Variants in LCP1 observed in about 807,000 individuals in gnomAD.
LCP1 encodes lymphocyte cytosolic protein 1.
LCP1 carries 23 observed loss-of-function variants against 72.0 expected under a neutral mutation model. The ratio of observed to expected loss-of-function variants is 0.32; its 90% confidence interval spans 0.23 to 0.45. The LOEUF (loss-of-function observed/expected upper bound fraction) is 0.45. LCP1 is among the 20% of genes least tolerant of loss of function. LCP1 has a pLI of 1.00. For missense variants in LCP1, 571 were observed against 748.3 expected, an observed-to-expected ratio of 0.76 and a Z score of 2.76; for synonymous variants, 245 against 275.4, an observed-to-expected ratio of 0.89 and a Z score of 1.09.
chr13:46,146,806 A>G (rs893627959), intron 10 of LCP1, 102 bp downstream of exon 10: 8 of 1,143,550 alleles, frequency 7.0e-6, no homozygotes, highest in Non-Finnish European at 1.1e-5. Context: ...GCCTGTTTGC[A>G]CATGTAAATA....
intron 1 of LCP1, among the ~76,000 whole-genome samples, chr13:46,180,623 C>T (rs759574250): frequency 1.1e-4 from 16 of 152,202 alleles, no homozygotes; most frequent in Admixed American, 2.6e-4. Flanking sequence ...CCTGATGTTC[C>T]TGGGGGTGAG....
At chr13:46,150,689 G>A (rs2045758148) in intron 8 of LCP1, among the ~76,000 whole-genome samples, 1 of 151,986 alleles carries the variant, frequency 6.6e-6, no homozygotes, top group African/African-American at 2.4e-5. Context: ...GCTCACCTTT[G>A]TCCCTCTACT....
intron 1 of LCP1, among the ~76,000 whole-genome samples, chr13:46,174,652 T>A (rs1194623538): frequency 6.6e-6 from 1 of 152,050 alleles, no homozygotes. Context: ...AAGACCAGCC[T>A]GGCCAATGTG....
intron 5 of LCP1, among the ~76,000 whole-genome samples, 175 bp downstream of exon 5, chr13:46,156,263 T>C (rs1396714326): frequency 6.6e-6 from 1 of 152,252 alleles, no homozygotes; most frequent in Non-Finnish European, 1.5e-5. Flanking sequence ...TTTCTCATTA[T>C]AAATTGTTTT....
rs1248883986 is a variant in LCP1 at position 46,137,740 on chromosome 13, A to G, written c.1503-3490T>C. On this transcript the variant is annotated intron_variant, in intron 13 of 15. Transcript: ENST00000323076. ...AATGGAGCCCTCCAGACAAGATCTC[A>G]GTATTACCAGTGTTTGTAAAATGTG... Among the ~76,000 whole-genome samples the G allele has an allele frequency of 5.3e-5, 8 of 152,240 alleles. No homozygotes were observed. The East Asian group carries it at 1.5e-3, about 29-fold the overall frequency.
At chr13:46,145,093 A>C (rs1356162446) in intron 10 of LCP1, among the ~76,000 whole-genome samples, 1 of 152,210 alleles carries the variant, frequency 6.6e-6, no homozygotes, top group African/African-American at 2.4e-5. Context: ...TGGTTTGGTC[A>C]GGGGTGTGTG....
intron 15 of LCP1, among the ~76,000 whole-genome samples, 197 bp downstream of exon 15, chr13:46,130,617 T>G (rs2045628001): frequency 6.6e-6 from 1 of 151,762 alleles, no homozygotes; most frequent in Non-Finnish European, 1.5e-5. Context: ...GCTCCCATTC[T>G]GGCACTAGAA....
At chr13:46,159,073 G>A in intron 2 of LCP1, 84 bp from the exon 3 acceptor site, 1 of 1,248,390 alleles carries the variant, frequency 8.0e-7, no homozygotes, top group Non-Finnish European at 1.2e-6. Context: ...GATGGAAGGT[G>A]AAGGGACGAG....
chr13:46,128,032 G>T (rs1159941236), intron 15 of LCP1, among the ~76,000 whole-genome samples: 3 of 147,292 alleles, frequency 2.0e-5, no homozygotes, highest in Non-Finnish European at 4.5e-5. Flanking sequence ...TAGAGACAGG[G>T]GTCTCACTAT....
chr13:46,139,482 A>AC (rs1305813884), intron 13 of LCP1, among the ~76,000 whole-genome samples: 1 of 152,212 alleles, frequency 6.6e-6, no homozygotes, highest in Non-Finnish European at 1.5e-5. Flanking sequence ...CACACCACGA[A>AC]CCTTGTCTTT....
At chr13:46,138,755 T>C (rs2045680248) in intron 13 of LCP1, among the ~76,000 whole-genome samples, 1 of 152,146 alleles carries the variant, frequency 6.6e-6, no homozygotes, top group Admixed American at 6.5e-5. Flanking sequence ...CAAGAGATTC[T>C]TCTGCCTCAG....
rs2045834295 is a variant in LCP1 at position 46,160,911 on chromosome 13, G to A, written c.-24-1225C>T. The stretch of plus-strand genomic sequence containing the variant: ...TTGTGACAGGATGTTGTTTTCAGTA[G>A]ATTTCTTTTTTATATTTTCATATTA... On this transcript the variant is annotated intron_variant, in intron 1 of 15. Transcript: ENST00000323076. Among the ~76,000 whole-genome samples, 3 of 152,204 alleles carry A rather than the reference G, an allele frequency of 2.0e-5. No individual in the cohort carries two copies. The South Asian group carries it at 6.2e-4, about 32-fold the overall frequency.
intron 1 of LCP1, among the ~76,000 whole-genome samples, chr13:46,160,885 T>A (rs888121242): frequency 6.6e-6 from 1 of 152,238 alleles, no homozygotes; most frequent in Non-Finnish European, 1.5e-5. Context: ...TAAAAAAAAA[T>A]TTGTGACAGG....
At chr13:46,128,341 G>A (rs956105315) in intron 15 of LCP1, among the ~76,000 whole-genome samples, 5 of 152,206 alleles carry the variant, frequency 3.3e-5, no homozygotes, top group Admixed American at 2.0e-4. Context: ...GCTCACGCCT[G>A]TAATCCCAAC....
chr13:46,164,430 A>G (rs568945846), intron 1 of LCP1, among the ~76,000 whole-genome samples: 1 of 152,276 alleles, frequency 6.6e-6, no homozygotes, highest in African/African-American at 2.4e-5. Context: ...TTTAAACCAC[A>G]GCAGGTAGGT....
In LCP1 at chr13:46,146,987, A is replaced by C; in HGVS notation, c.1095T>G (p.Ala365=). 6.2e-7 allele frequency: 1 copy of C among 1,614,066 alleles called. No homozygotes were observed. The highest frequency in any genetic ancestry group is 8.5e-7 in the Non-Finnish European group (1 of 1,179,992). ...VVRGNPKLNL[A]FIANLFNRYP... ...ATCTGTTAAAGAGGTTGGCAATAAA[A>C]GCCAAGTTCAACTTGGGGTTCCCTC... Residue 365 remains alanine (A), a synonymous_variant, in exon 10 of 16, where the codon GCT becomes GCG. Transcript: ENST00000323076.
chr13:46,174,581 C>T (rs1211761357), intron 1 of LCP1, among the ~76,000 whole-genome samples: 1 of 152,160 alleles, frequency 6.6e-6, no homozygotes, highest in Non-Finnish European at 1.5e-5. Context: ...CAGTGACTCA[C>T]ACTTGTAATC....
chr13:46,143,318 T>C lies in LCP1; in HGVS notation c.1340A>G (p.Tyr447Cys). 1 of 1,613,770 alleles carries C rather than the reference T, an allele frequency of 6.2e-7. No homozygotes were observed. The highest frequency in any genetic ancestry group is 8.5e-7 in the Non-Finnish European group (1 of 1,179,718). Residue 447 changes from tyrosine to cysteine, a missense_variant, in exon 12 of 16, where the codon TAC (tyrosine) becomes TGC (cysteine). Physicochemically the swap from Tyr to Cys is radical, Grantham distance 194. Coordinates refer to ENST00000323076, the MANE Select transcript of LCP1 (RefSeq NM_002298.5). Reference protein sequence around the residue: ...VDWNRVNKPPYPKLGGNMKKL... With the variant: ...VDWNRVNKPPCPKLGGNMKKL... Reference sequence around the variant, plus strand: ...CTTCATATTGCCTCCCAGTTTGGGGTATGGCGGTTTGTTTACTCTGTTCCA... The same window carrying C: ...CTTCATATTGCCTCCCAGTTTGGGGCATGGCGGTTTGTTTACTCTGTTCCA...
chr13:46,134,332 T>A, intron 13 of LCP1, 82 bp from the exon 14 acceptor site: 1 of 1,365,266 alleles, frequency 7.3e-7, no homozygotes. Context: ...GATGGAATTT[T>A]TTTTTCGGGT....
Sources: gnomAD v4.1 joint callset for allele counts (sites outside exome capture counted in the v4.1 genomes callset) on GRCh38, gnomAD v4.1.1 for gene constraint, MANE v1.5 for transcripts, NCBI Gene and HGNC (gene_info 2026-07-23, HGNC 2026-07-21) for gene names.